Variants in PRR5L observed in about 807,000 individuals in gnomAD.
PRR5L encodes proline rich 5 like.
PRR5L carries 21 observed loss-of-function variants against 36.4 expected under a neutral mutation model. The ratio of observed to expected loss-of-function variants is 0.58; its 90% CI spans 0.41 to 0.83. The LOEUF (loss-of-function observed/expected upper bound fraction) is 0.83. PRR5L is among the 40% of genes least tolerant of loss of function. The pLI is 0.00. For missense variants in PRR5L, 381 were observed against 473.3 expected, an observed-to-expected ratio of 0.80 and a Z score of 1.81; for synonymous variants, 188 against 197.0, an observed-to-expected ratio of 0.95 and a Z score of 0.38.
At chr11:36,403,102 G>A (rs75241439) in intron 2 of PRR5L, among the ~76,000 whole-genome samples, 196 bp from the exon 3 acceptor site, 8 of 152,226 alleles carry the variant, frequency 5.3e-5, no homozygotes, top group Non-Finnish European at 1.2e-4. Flanking sequence ...GAAAGCGGGG[G>A]CTGCTTTTGA....
At chr11:36,458,597 C>T (rs553464313) in intron 8 of PRR5L, among the ~76,000 whole-genome samples, 10 of 152,328 alleles carry the variant, frequency 6.6e-5, no homozygotes, top group Admixed American at 2.0e-4. Flanking sequence ...AGTCCGATGA[C>T]GGGAGCTGCT....
At chr11:36,459,751 T>G (rs1422929537) in intron 8 of PRR5L, among the ~76,000 whole-genome samples, 1 of 152,194 alleles carries the variant, frequency 6.6e-6, no homozygotes, top group Non-Finnish European at 1.5e-5. Flanking sequence ...TGTTAATACT[T>G]TAGCCCCTCT....
intron 1 of PRR5L, 47 bp from the exon 2 acceptor site, chr11:36,400,950 T>G: frequency 1.5e-6 from 2 of 1,371,110 alleles, no homozygotes; most frequent in Non-Finnish European, 1.9e-6. Context: ...CTCTAAGAGG[T>G]GTTCTCAGGC....
intron 1 of PRR5L, among the ~76,000 whole-genome samples, chr11:36,310,171 A>G (rs1856485745): frequency 6.6e-6 from 1 of 152,092 alleles, no homozygotes; most frequent in Non-Finnish European, 1.5e-5. Context: ...TCGGTTCACA[A>G]CTCTGTCTGA....
At chr11:36,413,975 T>A (rs1287695205) in intron 3 of PRR5L, among the ~76,000 whole-genome samples, 1 of 149,546 alleles carries the variant, frequency 6.7e-6, no homozygotes, top group African/African-American at 2.5e-5. Context: ...TGGTTTTTTG[T>A]CCTTGTGATA....
In PRR5L at chr11:36,420,525, T is replaced by TA. The variant is rs796852550; in HGVS notation, c.294+1227dup. ...TCGTGAAGACTAAATAAGTTATTTA[T>TA]AAAAAGTGCTCAGTGACTAGCAGAG... is the stretch of plus-strand genomic sequence containing the variant. On this transcript the variant is annotated intron_variant, in intron 4 of 8. Coordinates refer to ENST00000530639, the MANE Select transcript of PRR5L (RefSeq NM_001160167.2). Among the ~76,000 whole-genome samples, 4 of 152,280 alleles carry TA rather than the reference T, an allele frequency of 2.6e-5. No individual in the cohort carries two copies. The South Asian group carries it at 8.3e-4, about 32-fold the overall frequency.
chr11:36,306,930 C>T lies in PRR5L; in HGVS notation c.-126+10492C>T, dbSNP rs533477690. Among the ~76,000 whole-genome samples the T allele has an allele frequency of 4.6e-5, 7 of 152,248 alleles. No homozygotes were observed. In the East Asian group the frequency reaches 1.4e-3, roughly 29 times the overall value. On this transcript the variant is annotated intron_variant, in intron 1 of 8. Coordinates refer to ENST00000530639, the MANE Select transcript of PRR5L (RefSeq NM_001160167.2). ...AATGTTTAAAAAATAAAAGCACCCC[C>T]CACATCTCTTCTCCTTGAGGCTCCT...
chr11:36,305,825 T>G (rs1010005114), intron 1 of PRR5L, among the ~76,000 whole-genome samples: 1 of 152,254 alleles, frequency 6.6e-6, no homozygotes, highest in African/African-American at 2.4e-5. Flanking sequence ...AACAAATTTC[T>G]GTTGTTGATA....
At chr11:36,364,816 T>C (rs867249433) in intron 1 of PRR5L, among the ~76,000 whole-genome samples, 2 of 152,198 alleles carry the variant, frequency 1.3e-5, no homozygotes, top group Admixed American at 6.5e-5. Flanking sequence ...CTGACTTTCC[T>C]GCTTGTTAAA....
chr11:36,362,679 C>T (rs1209697427), intron 1 of PRR5L, among the ~76,000 whole-genome samples: 1 of 152,180 alleles, frequency 6.6e-6, no homozygotes, highest in Admixed American at 6.5e-5. Context: ...TTTCTCACTT[C>T]CACTTTTCCT....
chr11:36,392,217 T>C (rs897422138), intron 1 of PRR5L, among the ~76,000 whole-genome samples: 1 of 152,216 alleles, frequency 6.6e-6, no homozygotes, highest in African/African-American at 2.4e-5. Context: ...CATTCGTCTG[T>C]TGATGGACAC....
chr11:36,381,589 G>A lies in PRR5L; in HGVS notation c.-125-19408G>A, dbSNP rs1590509197. Reference sequence around the variant, plus strand: ...TCCTTGGTGTAAACCCTTTTATGCTGCCATTTAATTCTAAATACTTCTCTG... The same window carrying A: ...TCCTTGGTGTAAACCCTTTTATGCTACCATTTAATTCTAAATACTTCTCTG... On this transcript the variant is annotated intron_variant, in intron 1 of 8. Transcript: ENST00000530639. 2.2e-5 allele frequency: 3 copies of A among 138,322 alleles called. No homozygotes were observed. In the Admixed American group the frequency reaches 2.2e-4, roughly 10 times the overall value. The allele number at this position is 138,322 out of a possible 1,614,324, so 8.6% of individuals were successfully genotyped here. A position where few individuals can be genotyped will look rare whatever the true frequency, so the allele number is the denominator to read the frequency against.
chr11:36,441,426 C>A (rs746457846), intron 6 of PRR5L, among the ~76,000 whole-genome samples: 3 of 152,240 alleles, frequency 2.0e-5, no homozygotes, highest in Admixed American at 1.3e-4. Flanking sequence ...CCAAAATAGT[C>A]TTTGACCCCA....
rs1464851179 is a variant in PRR5L at position 36,463,062 on chromosome 11, C to T, written c.*326C>T. 1 of 257,248 alleles carries T rather than the reference C, an allele frequency of 3.9e-6. No individual in the cohort carries two copies. The highest frequency in any genetic ancestry group is 5.2e-5 in the Admixed American group (1 of 19,344). 15.9% of individuals were successfully genotyped at this position (257,248 alleles called of 1,614,324 possible). On this transcript the variant is annotated 3_prime_UTR_variant, in exon 9 of 9. Coordinates refer to ENST00000530639, the MANE Select transcript of PRR5L (RefSeq NM_001160167.2). ...TTGGACTGCCTGATGCTCCCAATGA[C>T]ATATCCAATGCTCCTGGCATTTCTG...
intron 6 of PRR5L, among the ~76,000 whole-genome samples, chr11:36,441,087 C>T (rs940718395): frequency 4.6e-5 from 7 of 152,140 alleles, no homozygotes; most frequent in African/African-American, 1.7e-4. Flanking sequence ...AATATCTAAG[C>T]CATATTTTCT....
chr11:36,325,837 T>C (rs1432111214), intron 1 of PRR5L, among the ~76,000 whole-genome samples: 1 of 152,236 alleles, frequency 6.6e-6, no homozygotes, highest in Non-Finnish European at 1.5e-5. Flanking sequence ...GTTTTTCATG[T>C]TCTGACATTC....
At position 36,396,985 on chromosome 11, in the gene PRR5L, G is replaced by A. The variant is rs185679368; in HGVS notation, c.-125-4012G>A. On this transcript the variant is annotated intron_variant, in intron 1 of 8. Coordinates refer to ENST00000530639, the MANE Select transcript of PRR5L (RefSeq NM_001160167.2). ...AAGTGGGAATGGGCTGGAGAATGAG[G>A]CACCAGTCAATGATCTGCCACACAC... Among the ~76,000 whole-genome samples the A allele has an allele frequency of 4.8e-3, 724 of 152,248 alleles. 9 individuals carry two copies. Among genetic ancestry groups the A allele is most frequent in the Non-Finnish European group, 4.8e-3 (328 of 68,022 alleles).
chr11:36,368,883 A>T (rs1215404405), intron 1 of PRR5L, among the ~76,000 whole-genome samples: 3 of 152,248 alleles, frequency 2.0e-5, no homozygotes, highest in Admixed American at 2.0e-4. Flanking sequence ...GTAAGTATTG[A>T]TAGACACTAC....
At chr11:36,315,252 A>G (rs1432575810) in intron 1 of PRR5L, among the ~76,000 whole-genome samples, 2 of 152,090 alleles carry the variant, frequency 1.3e-5, no homozygotes, top group Non-Finnish European at 2.9e-5. Flanking sequence ...ATGCAAAAAC[A>G]GAGTCTAGTC....
Sources: gnomAD v4.1 joint callset for allele counts (sites outside exome capture counted in the v4.1 genomes callset) on GRCh38, gnomAD v4.1.1 for gene constraint, MANE v1.5 for transcripts, NCBI Gene and HGNC (gene_info 2026-07-23, HGNC 2026-07-21) for gene names.